Variants in SBF2 observed in about 807,000 individuals in gnomAD.
The protein encoded by SBF2 is SET binding factor 2.
In SBF2, 112 loss-of-function variants were observed where a neutral mutation model predicts 225.2. The ratio of observed to expected loss-of-function variants is 0.50; its 90% CI spans 0.43 to 0.58. The LOEUF is 0.58. Ranked by LOEUF, SBF2 falls within the 20% of genes least tolerant of loss-of-function variation. SBF2 has a pLI of 0.00. For synonymous variants in SBF2, 763 were observed against 773.3 expected (o/e 0.99, Z 0.22); for missense variants, 1,996 against 2,206.2 (o/e 0.90, Z 1.91).
chr11:10,027,717 A>T (rs1382427968), intron 6 of SBF2, among the ~76,000 whole-genome samples: 2 of 152,106 alleles, frequency 1.3e-5, no homozygotes, highest in Non-Finnish European at 2.9e-5. Context: ...ATATTTCTTA[A>T]ATAATGTAAA....
chr11:10,192,306 C>T (rs1284047036), intron 2 of SBF2, among the ~76,000 whole-genome samples: 1 of 152,166 alleles, frequency 6.6e-6, no homozygotes, highest in Non-Finnish European at 1.5e-5. Context: ...TGTAGGCCTA[C>T]AGAACCCTCA....
intron 22 of SBF2, among the ~76,000 whole-genome samples, chr11:9,848,566 T>A (rs1004303814): frequency 6.6e-6 from 1 of 152,202 alleles, no homozygotes; most frequent in Non-Finnish European, 1.5e-5. Flanking sequence ...ACGCATAACT[T>A]CAAAATAAAT....
At chr11:9,784,744 G>A (rs1426432542) in intron 37 of SBF2, among the ~76,000 whole-genome samples, 3 of 152,222 alleles carry the variant, frequency 2.0e-5, no homozygotes, top group African/African-American at 7.2e-5. Flanking sequence ...TACTGTGTGA[G>A]AAGCTAGCAT....
At chr11:10,254,176 G>A (rs1467701824) in intron 1 of SBF2, among the ~76,000 whole-genome samples, 1 of 152,058 alleles carries the variant, frequency 6.6e-6, no homozygotes, top group Non-Finnish European at 1.5e-5. Flanking sequence ...TTGAGCCCAG[G>A]AGTTTGAGAC....
intron 17 of SBF2, among the ~76,000 whole-genome samples, chr11:9,885,122 G>T (rs1455633100): frequency 4.6e-5 from 7 of 151,536 alleles, no homozygotes; most frequent in African/African-American, 1.7e-4. Context: ...GTGGTGGTAG[G>T]CGCCTATAAT....
At chr11:10,230,658 TAG>T (rs755741212) in intron 1 of SBF2, among the ~76,000 whole-genome samples, 17 of 152,238 alleles carry the variant, frequency 1.1e-4, no homozygotes, top group Non-Finnish European at 1.6e-4. Flanking sequence ...TTTTGGCTTG[TAG>T]AGTTTCTGCT....
intron 1 of SBF2, among the ~76,000 whole-genome samples, chr11:10,241,078 C>T (rs920979691): frequency 1.3e-5 from 2 of 152,064 alleles, no homozygotes; most frequent in African/African-American, 2.4e-5. Context: ...TGGCCAGGAG[C>T]GGTAGCTCAT....
chr11:10,150,229 CATTT>C (rs2135168698), intron 2 of SBF2, among the ~76,000 whole-genome samples: 1 of 152,276 alleles, frequency 6.6e-6, no homozygotes, highest in Admixed American at 6.5e-5. Context: ...TCCATAGGTT[CATTT>C]AGTTACTCTA....
chr11:10,160,495 A>G (rs1235509753), intron 2 of SBF2, among the ~76,000 whole-genome samples: 2 of 152,192 alleles, frequency 1.3e-5, no homozygotes, highest in Non-Finnish European at 2.9e-5. Flanking sequence ...CAGGAGGAAA[A>G]AGAGAGGCGG....
intron 19 of SBF2, among the ~76,000 whole-genome samples, chr11:9,855,940 G>A (rs1450340619): frequency 6.6e-6 from 1 of 152,226 alleles, no homozygotes; most frequent in Non-Finnish European, 1.5e-5. Flanking sequence ...TTGGTTGACA[G>A]AAGAGTGATA....
intron 1 of SBF2, 94 bp downstream of exon 1, chr11:10,293,921 C>G: frequency 1.0e-6 from 1 of 977,052 alleles, no homozygotes; most frequent in South Asian, 4.3e-5. Context: ...TGGCCCTCCC[C>G]GACGCCCGTC....
At chr11:9,787,321 C>T (rs1564852304) in intron 36 of SBF2, among the ~76,000 whole-genome samples, 1 of 152,206 alleles carries the variant, frequency 6.6e-6, no homozygotes, top group Non-Finnish European at 1.5e-5. Context: ...TGGCATTCCC[C>T]TCCTGCCTTA....
At chr11:10,096,424 T>TTAAAA (rs747744995) in intron 2 of SBF2, among the ~76,000 whole-genome samples, 6 of 126,082 alleles carry the variant, frequency 4.8e-5, no homozygotes, top group Non-Finnish European at 6.6e-5. Context: ...CAAAGTTCTG[T>TTAAAA]AAAAAAAAAA....
At chr11:10,206,787 C>T (rs1046469252) in intron 1 of SBF2, among the ~76,000 whole-genome samples, 4 of 152,002 alleles carry the variant, frequency 2.6e-5, no homozygotes, top group Non-Finnish European at 5.9e-5. Context: ...AGAATTTACC[C>T]AGTCTGAACA....
intron 2 of SBF2, among the ~76,000 whole-genome samples, chr11:10,186,738 G>C (rs1001333369): frequency 6.6e-6 from 1 of 152,136 alleles, no homozygotes; most frequent in African/African-American, 2.4e-5. Flanking sequence ...TGCTTCCTCT[G>C]GTGACCAGCC....
At chr11:9,857,534 C>T (rs1049985893) in intron 18 of SBF2, among the ~76,000 whole-genome samples, 7 of 152,202 alleles carry the variant, frequency 4.6e-5, no homozygotes, top group African/African-American at 1.7e-4. Context: ...CTTATTATTA[C>T]TGCATACCAT....
chr11:10,068,707 CTAA>C (rs947490637), intron 2 of SBF2, among the ~76,000 whole-genome samples: 2 of 152,132 alleles, frequency 1.3e-5, no homozygotes, highest in Non-Finnish European at 2.9e-5. Context: ...ATCATTATTA[CTAA>C]TATTATTACC....
chr11:9,968,982 T>A (rs1483147695), intron 13 of SBF2, among the ~76,000 whole-genome samples: 1 of 152,128 alleles, frequency 6.6e-6, no homozygotes, highest in Non-Finnish European at 1.5e-5. Flanking sequence ...CTAAACCCCA[T>A]ACCCACATGT....
At chr11:9,974,539 T>A (rs1042251208) in intron 13 of SBF2, among the ~76,000 whole-genome samples, 1 of 151,088 alleles carries the variant, frequency 6.6e-6, no homozygotes. Context: ...CAACATACAG[T>A]GACCAGCTAA....
Sources: gnomAD v4.1 joint callset for allele counts (sites outside exome capture counted in the v4.1 genomes callset) on GRCh38, gnomAD v4.1.1 for gene constraint, MANE v1.5 for transcripts, NCBI Gene and HGNC (gene_info 2026-07-23, HGNC 2026-07-21) for gene names.